LRP1B: variants seen among roughly 807,000 people sequenced by gnomAD.
LRP1B encodes LDL receptor related protein 1B.
In LRP1B, 217 loss-of-function variants were observed where a neutral mutation model predicts 556.6. The ratio of observed to expected loss-of-function variants is 0.39; its 90% CI spans 0.35 to 0.44. LRP1B has a LOEUF of 0.44. Among genes scored for constraint, LRP1B ranks in the 20% least tolerant of loss-of-function variants. The probability of loss-of-function intolerance (pLI) is 1.00; values close to 1 mark genes in which losing one functional copy is unlikely to be tolerated. For missense variants in LRP1B, 5,053 were observed against 5,620.8 expected (o/e 0.90, Z 3.23); for synonymous variants, 2,047 against 1,865.8 (o/e 1.10, Z -2.50).
intron 31 of LRP1B, among the ~76,000 whole-genome samples, chr2:140,822,804 A>G (rs1691371802): frequency 6.6e-6 from 1 of 152,204 alleles, no homozygotes; most frequent in Non-Finnish European, 1.5e-5. Context: ...GCACAGCATA[A>G]TGGTTAAGAT....
At chr2:141,503,654 T>C (rs1683812300) in intron 2 of LRP1B, among the ~76,000 whole-genome samples, 1 of 152,136 alleles carries the variant, frequency 6.6e-6, no homozygotes, top group African/African-American at 2.4e-5. Flanking sequence ...CTACTCATGC[T>C]TCTTCTAAAA....
intron 1 of LRP1B, among the ~76,000 whole-genome samples, chr2:141,830,925 A>G (rs1260694924): frequency 2.0e-5 from 3 of 151,750 alleles, no homozygotes; most frequent in Non-Finnish European, 4.4e-5. Context: ...CATCTTAAAA[A>G]TTCTCCTGGT....
chr2:141,336,469 T>C (rs2105506222), intron 3 of LRP1B, among the ~76,000 whole-genome samples: 1 of 152,310 alleles, frequency 6.6e-6, no homozygotes, highest in South Asian at 2.1e-4. Context: ...TAAATCCCTT[T>C]TCCCTTACTG....
At chr2:141,861,652 G>T (rs927541258) in intron 1 of LRP1B, among the ~76,000 whole-genome samples, 1 of 152,154 alleles carries the variant, frequency 6.6e-6, no homozygotes, top group Non-Finnish European at 1.5e-5. Flanking sequence ...ATTACAGGCT[G>T]GGCACAGTGG....
intron 2 of LRP1B, among the ~76,000 whole-genome samples, chr2:141,591,602 G>GTC (rs1249836203): frequency 6.6e-6 from 1 of 151,626 alleles, no homozygotes; most frequent in Non-Finnish European, 1.5e-5. Flanking sequence ...GTGTGTGTGT[G>GTC]TGTGTGTCTG....
intron 2 of LRP1B, among the ~76,000 whole-genome samples, chr2:141,580,208 C>T (rs1686914605): frequency 1.3e-5 from 2 of 152,060 alleles, no homozygotes; most frequent in Non-Finnish European, 2.9e-5. Context: ...CTTCTATGTA[C>T]ATAAATAGTT....
intron 62 of LRP1B, among the ~76,000 whole-genome samples, chr2:140,454,603 T>C (rs1687022055): frequency 6.6e-6 from 1 of 152,158 alleles, no homozygotes; most frequent in South Asian, 2.1e-4. Flanking sequence ...GATAGACTAT[T>C]GGGGGTATTT....
At chr2:140,938,103 A>G (rs1267813551) in intron 20 of LRP1B, among the ~76,000 whole-genome samples, 1 of 151,992 alleles carries the variant, frequency 6.6e-6, no homozygotes, top group Non-Finnish European at 1.5e-5. Context: ...TCTTGTTACC[A>G]TTATATACTT....
chr2:141,316,063 G>A (rs1027294441), intron 3 of LRP1B, among the ~76,000 whole-genome samples: 8 of 151,278 alleles, frequency 5.3e-5, no homozygotes, highest in African/African-American at 1.9e-4. Flanking sequence ...TTCTTTTCAG[G>A]GAATTTGAAC....
intron 25 of LRP1B, among the ~76,000 whole-genome samples, chr2:140,879,505 T>G (rs935431610): frequency 7.2e-5 from 11 of 152,128 alleles, no homozygotes; most frequent in Non-Finnish European, 1.5e-4. Context: ...GTTATAGAAT[T>G]AGTCACCCTA....
At chr2:141,048,693 A>G (rs1698949593) in intron 11 of LRP1B, among the ~76,000 whole-genome samples, 1 of 152,132 alleles carries the variant, frequency 6.6e-6, no homozygotes, top group South Asian at 2.1e-4. Flanking sequence ...CACTGTAAAC[A>G]TATCAGTATA....
chr2:141,976,341 A>T (rs1041604589), intron 1 of LRP1B, among the ~76,000 whole-genome samples: 27 of 152,196 alleles, frequency 1.8e-4, no homozygotes, highest in Non-Finnish European at 3.2e-4. Context: ...TAAATTACAT[A>T]AATTTCTTTA....
At chr2:141,673,764 A>T (rs187036423) in intron 2 of LRP1B, among the ~76,000 whole-genome samples, 1 of 152,084 alleles carries the variant, frequency 6.6e-6, no homozygotes, top group Non-Finnish European at 1.5e-5. Flanking sequence ...GTTGATTCTA[A>T]TGTAGTGCCA....
intron 41 of LRP1B, among the ~76,000 whole-genome samples, chr2:140,634,671 C>A (rs114185605): frequency 6.6e-6 from 1 of 151,942 alleles, no homozygotes; most frequent in East Asian, 1.9e-4. Flanking sequence ...ATGAAAATGG[C>A]ACTTCCTCTC....
At chr2:140,603,321 G>C (rs1015368601) in intron 41 of LRP1B, among the ~76,000 whole-genome samples, 1 of 152,096 alleles carries the variant, frequency 6.6e-6, no homozygotes, top group African/African-American at 2.4e-5. Context: ...TTTGGAGTGA[G>C]TGGAAGAAAA....
chr2:141,406,421 G>A (rs1690636679), intron 3 of LRP1B, among the ~76,000 whole-genome samples: 1 of 152,008 alleles, frequency 6.6e-6, no homozygotes, highest in Admixed American at 6.6e-5. Flanking sequence ...CATAAGGTCA[G>A]ACTAGGCATA....
chr2:142,000,333 C>G (rs941849534), intron 1 of LRP1B, among the ~76,000 whole-genome samples: 1 of 152,132 alleles, frequency 6.6e-6, no homozygotes, highest in South Asian at 2.1e-4. Context: ...CTAAAGTGGC[C>G]TGGGGAAATC....
At position 140,525,963 on chromosome 2, in the gene LRP1B, A is replaced by G. The variant is rs150122153; in HGVS notation, c.7907T>C (p.Leu2636Pro). The change falls in exon 49 of 91, where the codon CTT becomes CCT. Residue 2636 changes from leucine to proline, a missense_variant. Physicochemically the swap from Leu to Pro is moderately conservative, Grantham distance 98. This residue lies in a region of LRP1B where 3,619 missense variants were observed against 3,931.9 expected (regional missense o/e 0.92). Coordinates refer to ENST00000389484, the MANE Select transcript of LRP1B (RefSeq NM_018557.3). ...TATGAACCCTGTGGTTTTCACTCCA[A>G]GCTTATAGAAATGTGTGCAGTCTGT... ...NNTDCTHFYK[L>P]GVKTTGFIRC... The G allele has an allele frequency of 3.1e-6, 5 of 1,612,188 alleles. No individual in the cohort carries two copies. Among genetic ancestry groups the G allele is most frequent in the African/African-American group, 2.7e-5 (2 of 74,798 alleles).
chr2:141,342,037 G>T (rs1260337472), intron 3 of LRP1B, among the ~76,000 whole-genome samples: 1 of 151,816 alleles, frequency 6.6e-6, no homozygotes, highest in Non-Finnish European at 1.5e-5. Context: ...GAGGTCAGGA[G>T]ATCAAGACCA....
Sources: allele counts gnomAD v4.1 joint callset (sites outside exome capture counted in the v4.1 genomes callset), GRCh38; gene constraint gnomAD v4.1.1; regional missense constraint gnomAD v4.1.1; transcripts MANE v1.5; gene names NCBI Gene and HGNC (gene_info 2026-07-23, HGNC 2026-07-21).